SLC39A11: variants seen among roughly 807,000 people sequenced by gnomAD.
The protein encoded by SLC39A11 is solute carrier family 39 member 11.
A neutral mutation model predicts 36.1 loss-of-function variants in SLC39A11; 33 were observed. The ratio of observed to expected loss-of-function variants is 0.91; its 90% CI spans 0.69 to 1.22. The LOEUF (loss-of-function observed/expected upper bound fraction) is 1.22, where lower values mean the gene tolerates loss of function less well. Ranked by LOEUF, SLC39A11 falls within the 50% of genes most tolerant of loss-of-function variation. SLC39A11 has a pLI of 0.00. For synonymous variants in SLC39A11, 166 were observed against 170.3 expected (o/e 0.97, Z 0.20); for missense variants, 432 against 430.3 (o/e 1.00, Z -0.03).
chr17:72,801,988 C>T (rs935768051), intron 6 of SLC39A11, among the ~76,000 whole-genome samples: 6 of 152,136 alleles, frequency 3.9e-5, no homozygotes, highest in African/African-American at 1.4e-4. Flanking sequence ...ATCTGTCAAA[C>T]GAGAATAACA....
chr17:73,005,148 T>G (rs1598813777), intron 4 of SLC39A11, among the ~76,000 whole-genome samples: 2 of 152,110 alleles, frequency 1.3e-5, no homozygotes, highest in South Asian at 4.1e-4. Context: ...AACTAATTTT[T>G]GTATTTTTTG....
chr17:72,695,681 T>C (rs1044519758), intron 7 of SLC39A11, among the ~76,000 whole-genome samples: 2 of 152,152 alleles, frequency 1.3e-5, no homozygotes, highest in Non-Finnish European at 2.9e-5. Flanking sequence ...CTAGATTATC[T>C]AGGTGGGCCC....
In SLC39A11 at chr17:73,079,174, T is replaced by A. The variant is rs1025197842; in HGVS notation, c.147+5634A>T. 2.8e-4 allele frequency among the ~76,000 whole-genome samples: 43 copies of A among 152,168 alleles called. 2 individuals are homozygous for A. The stretch of plus-strand genomic sequence containing the variant: ...AAGGGTGCATGCAATCTTGGCTCAC[T>A]GCAACCTCTGCCTCCCCGGTTCAAG... On this transcript the variant is annotated intron_variant, in intron 3 of 9. Transcript: ENST00000255559.
At chr17:72,808,055 A>C (rs1325816900) in intron 6 of SLC39A11, among the ~76,000 whole-genome samples, 1 of 152,220 alleles carries the variant, frequency 6.6e-6, no homozygotes, top group African/African-American at 2.4e-5. Context: ...CAGGAAAAAA[A>C]AAAAATACCC....
At chr17:72,658,970 G>A (rs777902912) in intron 7 of SLC39A11, among the ~76,000 whole-genome samples, 12 of 152,138 alleles carry the variant, frequency 7.9e-5, no homozygotes, top group Non-Finnish European at 1.5e-4. Context: ...CCCCAGACTG[G>A]TGACCTCCCA....
intron 5 of SLC39A11, among the ~76,000 whole-genome samples, chr17:72,945,858 G>C (rs946533465): frequency 3.9e-5 from 6 of 152,152 alleles, no homozygotes; most frequent in Non-Finnish European, 8.8e-5. Flanking sequence ...CCATCCAAGG[G>C]CTTGCCAATG....
intron 5 of SLC39A11, among the ~76,000 whole-genome samples, chr17:72,892,174 G>A (rs1302390482): frequency 2.6e-5 from 4 of 152,136 alleles, no homozygotes; most frequent in Non-Finnish European, 5.9e-5. Context: ...CTGGGAGGCC[G>A]AGGTGGGCAG....
At chr17:72,901,501 C>T (rs1228439181) in intron 5 of SLC39A11, among the ~76,000 whole-genome samples, 1 of 152,070 alleles carries the variant, frequency 6.6e-6, no homozygotes, top group Non-Finnish European at 1.5e-5. Context: ...ATGAAAACAC[C>T]CACCTGGATG....
chr17:72,859,054 G>C (rs2079813357), intron 5 of SLC39A11, among the ~76,000 whole-genome samples: 1 of 152,234 alleles, frequency 6.6e-6, no homozygotes, highest in Non-Finnish European at 1.5e-5. Flanking sequence ...TGGTGACAGA[G>C]GGCAGCCTTG....
chr17:73,064,702 G>T (rs2059947321), intron 3 of SLC39A11, among the ~76,000 whole-genome samples: 1 of 152,132 alleles, frequency 6.6e-6, no homozygotes, highest in Non-Finnish European at 1.5e-5. Context: ...TATTCCTTAG[G>T]GTGGGAGCCA....
At chr17:72,920,682 A>G (rs1598419709) in intron 5 of SLC39A11, among the ~76,000 whole-genome samples, 1 of 78,236 alleles carries the variant, frequency 1.3e-5, no homozygotes, top group African/African-American at 5.6e-5. Context: ...CACACTTCTC[A>G]CCCCCTTACA....
chr17:72,655,387 G>A (rs137973058), intron 7 of SLC39A11, among the ~76,000 whole-genome samples: 19 of 152,338 alleles, frequency 1.2e-4, no homozygotes, highest in South Asian at 4.1e-4. Flanking sequence ...TTGAATCCAC[G>A]GCTCTCAGAC....
intron 5 of SLC39A11, among the ~76,000 whole-genome samples, chr17:72,865,512 A>G (rs115015084): frequency 9.7e-4 from 148 of 152,108 alleles, no homozygotes; most frequent in African/African-American, 3.3e-3. Flanking sequence ...ATAAACATCA[A>G]CATAAAAGCT....
intron 6 of SLC39A11, among the ~76,000 whole-genome samples, chr17:72,846,613 T>C (rs2079066288): frequency 2.0e-5 from 3 of 152,210 alleles, no homozygotes; most frequent in African/African-American, 7.2e-5. Flanking sequence ...TAATTCCAGC[T>C]GAGCATAATG....
chr17:73,053,231 A>T (rs1249322819), intron 3 of SLC39A11, among the ~76,000 whole-genome samples: 1 of 115,156 alleles, frequency 8.7e-6, no homozygotes, highest in Admixed American at 9.1e-5. Context: ...GTATGAGCCC[A>T]TTTGATTTTC....
At chr17:72,765,036 C>T (rs1311741981) in intron 6 of SLC39A11, among the ~76,000 whole-genome samples, 1 of 152,130 alleles carries the variant, frequency 6.6e-6, no homozygotes, top group East Asian at 1.9e-4. Flanking sequence ...AATAGCTCTT[C>T]CCCCAAACTA....
chr17:72,992,599 TCA>T, intron 4 of SLC39A11, among the ~76,000 whole-genome samples: 1 of 152,358 alleles, frequency 6.6e-6, no homozygotes, highest in Admixed American at 6.5e-5. Context: ...AAATATCTTC[TCA>T]CAAGCCTTGG....
At chr17:72,914,885 T>TAAATAAATAAATAAATAAATAAATAAAA (rs2083245022) in intron 5 of SLC39A11, among the ~76,000 whole-genome samples, 2 of 152,096 alleles carry the variant, frequency 1.3e-5, no homozygotes, top group Non-Finnish European at 2.9e-5. Flanking sequence ...AATAAATAAA[T>TAAATAAATAAATAAATAAATAAATAAAA]AAAATTGAAT....
intron 3 of SLC39A11, among the ~76,000 whole-genome samples, chr17:73,078,715 TTCAGC>T (rs1261255495): frequency 1.3e-5 from 2 of 152,080 alleles, no homozygotes; most frequent in Non-Finnish European, 2.9e-5. Context: ...CAGGCTGGTG[TTCAGC>T]TCCTGACCTC....
Sources: allele counts gnomAD v4.1 joint callset (sites outside exome capture counted in the v4.1 genomes callset), GRCh38; gene constraint gnomAD v4.1.1; transcripts MANE v1.5; gene names NCBI Gene and HGNC (gene_info 2026-07-23, HGNC 2026-07-21).